Variants in RAP2C observed in about 807,000 individuals in gnomAD.
RAP2C encodes the protein RAP2C, member of RAS oncogene family.
Under a neutral mutation model 8.9 loss-of-function variants are expected in RAP2C, and 3 were observed. The observed-to-expected ratio is 0.34, with a 90% CI of 0.15 to 0.87. RAP2C has a LOEUF of 0.87. Among genes scored for constraint, RAP2C ranks in the 40% least tolerant of loss-of-function variants. RAP2C has a pLI of 0.51. For missense variants in RAP2C, 76 were observed against 133.7 expected (o/e 0.57, Z 2.13); for synonymous variants, 60 against 52.1 (o/e 1.15, Z -0.65).
At position 132,218,256 on chromosome X, in the gene RAP2C, C is replaced by T. The variant is rs1015714316; in HGVS notation, c.-660G>A. The T allele has an allele frequency of 1.8e-5, 2 of 109,180 alleles. No homozygotes were observed. The highest frequency in any genetic ancestry group is 6.7e-5 in the African/African-American group (2 of 29,952). 9.0% of individuals were successfully genotyped at this position (109,180 alleles called of 1,213,427 possible). A position where few individuals can be genotyped will look rare whatever the true frequency, so the allele number is the denominator to read the frequency against. ...CCTCTTCGGGGCGAGCCGGGTGGCGCTGGAGCCGCGCCCTGCTGAGCGAGC... is the reference window on the plus strand; with the variant it reads ...CCTCTTCGGGGCGAGCCGGGTGGCGTTGGAGCCGCGCCCTGCTGAGCGAGC... On this transcript the variant is annotated 5_prime_UTR_variant, in exon 2 of 6. Transcript: ENST00000370874.
chrX:132,203,506 TGAGAGAGAGAGAGAGAGAGAGAGAGAGA>T lies in RAP2C; in HGVS notation c.*2088_*2115del, dbSNP rs10617253. The stretch of plus-strand genomic sequence containing the variant: ...TCAATGACAATGAACACTGTAATTT[TGAGAGAGAGAGAGAGAGAGAGAGAGAGA>T]GAGAGAGAGAGAGAGAGAGAGAGAG... On this transcript the variant is annotated 3_prime_UTR_variant, in exon 6 of 6. Transcript: ENST00000370874. 10 of 60,343 alleles carry T rather than the reference TGAGAGAGAGAGAGAGAGAGAGAGAGAGA, an allele frequency of 1.7e-4. No individual in the cohort carries two copies. Among genetic ancestry groups the T allele is most frequent in the South Asian group, 1.3e-3 (1 of 799 alleles). 5.0% of individuals were successfully genotyped at this position (60,343 alleles called of 1,213,427 possible). A position where few individuals can be genotyped will look rare whatever the true frequency, so the allele number is the denominator to read the frequency against.
chrX:132,214,171 C>T lies in RAP2C; in HGVS notation c.549G>A (p.Gln183=). 1 of 1,206,622 alleles carries T rather than the reference C, an allele frequency of 8.3e-7. No individual in the cohort carries two copies. Residue 183 remains glutamine (Q), a synonymous_variant, in exon 5 of 6, where the codon CAG becomes CAA. Coordinates refer to ENST00000370874, the MANE Select transcript of RAP2C (RefSeq NM_001271186.2). ...GCCATGATTGAGGTTATCTTCTTTA[C>T]TGGACGACACAAGTTGTACAACACT... ...QDQCCTTCVV[Q]
Position 132,219,414 on chromosome X carries a change from C to T in RAP2C, c.-790G>A. ...AGTTCAATTTCTCCTTGACCTCAGG[C>T]CGGTGCCATCTCTCCAGCGAAGTCC... is the stretch of plus-strand genomic sequence containing the variant. On this transcript the variant is annotated 5_prime_UTR_variant, in exon 1 of 6. Transcript: ENST00000370874. 1.8e-5 allele frequency: 2 copies of T among 112,359 alleles called. No homozygotes were observed. The highest frequency in any genetic ancestry group is 7.4e-4 in the South Asian group (2 of 2,720). 9.3% of individuals were successfully genotyped at this position (112,359 alleles called of 1,213,427 possible).
At chrX:132,211,297 G>A (rs1008957560) in intron 5 of RAP2C, among the ~76,000 whole-genome samples, 5 of 111,270 alleles carry the variant, frequency 4.5e-5, no homozygotes, top group Non-Finnish European at 9.4e-5. Context: ...AGTACTATGA[G>A]ATTATTAACA....
In RAP2C at chrX:132,204,426, T is replaced by C. The variant is rs1055082330; in HGVS notation, c.*1196A>G. The C allele has an allele frequency of 1.4e-4, 16 of 112,137 alleles. No individual in the cohort carries two copies. The highest frequency in any genetic ancestry group is 4.9e-4 in the African/African-American group (15 of 30,821). The allele number at this position is 112,137 out of a possible 1,213,427, so 9.2% of individuals were successfully genotyped here. A position where few individuals can be genotyped will look rare whatever the true frequency, so the allele number is the denominator to read the frequency against. On this transcript the variant is annotated 3_prime_UTR_variant, in exon 6 of 6. Coordinates refer to ENST00000370874, the MANE Select transcript of RAP2C (RefSeq NM_001271186.2). ...AAGTATTCAGACAAAAATATGCTGA[T>C]TAGGTAAACAACATGGAAGGCAATG...
Position 132,217,081 on chromosome X carries a change from T to G in RAP2C, c.188A>C (p.Gln63Pro), listed in dbSNP as rs1930627054. 1 of 1,195,671 alleles carries G rather than the reference T, an allele frequency of 8.4e-7. No homozygotes were observed. Among genetic ancestry groups the G allele is most frequent in the Non-Finnish European group, 1.1e-6 (1 of 887,752 alleles). The change falls in exon 4 of 6, where the codon CAG becomes CCG. Residue 63 changes from glutamine (Q) to proline (P), a missense_variant. Coordinates refer to ENST00000370874, the MANE Select transcript of RAP2C (RefSeq NM_001271186.2). ...LEILDTAGTEQFASMRDLYIK... is the reference protein window; with the variant it reads ...LEILDTAGTEPFASMRDLYIK... ...GTAGAGATCTCTCATGGAGGCAAAC[T>G]GCTCAGTTCCTGCGGTGTCCAGAAT...
intron 5 of RAP2C, among the ~76,000 whole-genome samples, chrX:132,208,421 T>C (rs1431365085): frequency 9.0e-6 from 1 of 111,093 alleles, no homozygotes; most frequent in African/African-American, 3.3e-5. Context: ...CAAAATACTT[T>C]TTTTGAAAAT....
intron 1 of RAP2C, 148 bp from the exon 2 acceptor site, chrX:132,218,489 TCTAGCGA>T (rs1297765227): frequency 9.0e-6 from 1 of 111,154 alleles, no homozygotes; most frequent in Non-Finnish European, 1.9e-5. Context: ...GGGCTAATAA[TCTAGCGA>T]CCGGGAGAAC....
rs898558291 is a variant in RAP2C at position 132,203,714 on chromosome X, TGA to T, written c.*1906_*1907del. On this transcript the variant is annotated 3_prime_UTR_variant, in exon 6 of 6. Transcript: ENST00000370874. The stretch of plus-strand genomic sequence containing the variant: ...CATGATCACTTAACCTACTTTTAAA[TGA>T]GTGTTTGGTTTTAAGTTTGGTATTA... 1.8e-5 allele frequency: 2 copies of T among 112,329 alleles called. No individual in the cohort carries two copies. The highest frequency in any genetic ancestry group is 3.8e-5 in the Non-Finnish European group (2 of 53,143). The allele number at this position is 112,329 out of a possible 1,213,427, so 9.3% of individuals were successfully genotyped here.
At chrX:132,212,926 A>C (rs1303975014) in intron 5 of RAP2C, among the ~76,000 whole-genome samples, 2 of 112,622 alleles carry the variant, frequency 1.8e-5, no homozygotes, top group African/African-American at 6.5e-5. Context: ...AAGGCTGATG[A>C]GTGAAAGCAT....
rs192265084 is a variant in RAP2C at position 132,217,300 on chromosome X, G to T, written c.-32C>A. 1.3e-5 allele frequency: 14 copies of T among 1,057,101 alleles called. No homozygotes were observed. Among genetic ancestry groups the T allele is most frequent in the Non-Finnish European group, 1.7e-5 (14 of 814,307 alleles). 87.1% of individuals were successfully genotyped at this position (1,057,101 alleles called of 1,213,427 possible). ...CACCTTCACCAACTCCTACCAGAGG[G>T]GGGGAAAGATCACCCCGCTAGCTGT... On this transcript the variant is annotated 5_prime_UTR_variant, in exon 4 of 6. Transcript: ENST00000370874.
At position 132,204,715 on chromosome X, in the gene RAP2C, A is replaced by C. The variant is rs1240517819; in HGVS notation, c.*907T>G. ...AGAAGTCTACTAGATGTCAATTACA[A>C]GCCTGATAGGCAAAGATGAGCTATC... On this transcript the variant is annotated 3_prime_UTR_variant, in exon 6 of 6. Coordinates refer to ENST00000370874, the MANE Select transcript of RAP2C (RefSeq NM_001271186.2). 1 of 111,663 alleles carries C rather than the reference A, an allele frequency of 9.0e-6. No homozygotes were observed. The highest frequency in any genetic ancestry group is 3.3e-5 in the African/African-American group (1 of 30,682). 9.2% of individuals were successfully genotyped at this position (111,663 alleles called of 1,213,427 possible). A position where few individuals can be genotyped will look rare whatever the true frequency, so the allele number is the denominator to read the frequency against.
At chrX:132,215,923 T>C (rs921366261) in intron 4 of RAP2C, among the ~76,000 whole-genome samples, 5 of 111,777 alleles carry the variant, frequency 4.5e-5, no homozygotes, top group African/African-American at 1.3e-4. Flanking sequence ...TTCTATCAGG[T>C]TACTGGGAAA....
intron 5 of RAP2C, among the ~76,000 whole-genome samples, chrX:132,209,224 AGGGAT>A (rs1280667456): frequency 9.0e-6 from 1 of 111,601 alleles, no homozygotes; most frequent in Non-Finnish European, 1.9e-5. Flanking sequence ...CCAGGGTAGA[AGGGAT>A]GGGATTAGCT....
rs1930238654 is a variant in RAP2C at position 132,205,160 on chromosome X, C to T, written c.*462G>A. On this transcript the variant is annotated 3_prime_UTR_variant, in exon 6 of 6. Transcript: ENST00000370874. ...GAAAGATTTTACAAATAGGATGAAG[C>T]ACTGGTACGAGGTAATATACAGAAG... 1 of 111,461 alleles carries T rather than the reference C, an allele frequency of 9.0e-6. No homozygotes were observed. Among genetic ancestry groups the T allele is most frequent in the African/African-American group, 3.3e-5 (1 of 30,622 alleles). 9.2% of individuals were successfully genotyped at this position (111,461 alleles called of 1,213,427 possible). A position where few individuals can be genotyped will look rare whatever the true frequency, so the allele number is the denominator to read the frequency against.
At chrX:132,207,822 G>A (rs1280711497) in intron 5 of RAP2C, among the ~76,000 whole-genome samples, 2 of 111,462 alleles carry the variant, frequency 1.8e-5, no homozygotes, top group African/African-American at 6.5e-5. Flanking sequence ...TCACATTCAA[G>A]CACGTTGCAA....
At position 132,217,998 on chromosome X, in the gene RAP2C, G is replaced by T. The variant is rs1930690960; in HGVS notation, c.-621C>A. ...CACCCGCTGGCTCCTCTGTCTCTCC[G>T]CTGCCCCAGCGCTGCTGCTCGCCGC... On this transcript the variant is annotated 5_prime_UTR_variant, in exon 3 of 6. Transcript: ENST00000370874. 1 of 110,800 alleles carries T rather than the reference G, an allele frequency of 9.0e-6. No individual in the cohort carries two copies. The highest frequency in any genetic ancestry group is 3.3e-5 in the African/African-American group (1 of 30,508). 9.1% of individuals were successfully genotyped at this position (110,800 alleles called of 1,213,427 possible).
At chrX:132,210,114 A>G (rs1322713019) in intron 5 of RAP2C, among the ~76,000 whole-genome samples, 1 of 111,324 alleles carries the variant, frequency 9.0e-6, no homozygotes, top group African/African-American at 3.3e-5. Context: ...TGATATGCAA[A>G]TAGAGCAGTG....
intron 5 of RAP2C, among the ~76,000 whole-genome samples, chrX:132,206,398 G>A (rs761740661): frequency 2.0e-4 from 22 of 111,532 alleles, no homozygotes; most frequent in Admixed American, 9.5e-5. Flanking sequence ...CTCTTATAGC[G>A]TACAGATTTC....
Sources: gnomAD v4.1 joint callset for allele counts (sites outside exome capture counted in the v4.1 genomes callset) on GRCh38, gnomAD v4.1.1 for gene constraint, MANE v1.5 for transcripts, NCBI Gene and HGNC (gene_info 2026-07-23, HGNC 2026-07-21) for gene names.